The following GSE1 variants were observed in gnomAD, a reference collection of about 807,000 sequenced individuals.
The protein encoded by GSE1 is Gse1 coiled-coil protein.
A neutral mutation model predicts 112.6 loss-of-function variants in GSE1; 32 were observed. That is an observed-to-expected ratio of 0.28 (90% CI 0.21 to 0.38). GSE1 has a LOEUF of 0.38. Among genes scored for constraint, GSE1 ranks in the 10% least tolerant of loss-of-function variants. The pLI, the probability that GSE1 is intolerant of heterozygous loss-of-function variation, is 1.00. For missense variants in GSE1, 2,348 were observed against 1,699.2 expected (o/e 1.38, Z -6.71); for synonymous variants, 1,115 against 735.6 (o/e 1.52, Z -8.35).
exon 1 of GSE1, chr16:85,170,489 G>A (rs937832093): frequency 1.0e-5 from 10 of 985,630 alleles, no homozygotes; most frequent in African/African-American, 1.7e-5. Context: ...TCCGAGGACA[G>A]TGACATCAAC....
chr16:85,380,545 C>T (rs934077589), intron 2 of GSE1, among the ~76,000 whole-genome samples: 1 of 150,584 alleles, frequency 6.6e-6, no homozygotes, highest in Admixed American at 6.6e-5. Context: ...ACCCCCAGCT[C>T]CCAACACTGC....
At chr16:85,424,130 C>G (rs1193764684) in intron 2 of GSE1, among the ~76,000 whole-genome samples, 3 of 152,230 alleles carry the variant, frequency 2.0e-5, no homozygotes, top group Admixed American at 6.5e-5. Flanking sequence ...TTGAAGGAAC[C>G]AGAAAGAAAG....
chr16:85,201,876 A>G (rs1229993970), intron 1 of GSE1, among the ~76,000 whole-genome samples: 2 of 152,222 alleles, frequency 1.3e-5, no homozygotes, highest in Admixed American at 6.5e-5. Flanking sequence ...TTAGTTTTTC[A>G]GGGCCTCCTG....
chr16:85,277,868 G>A (rs906028311), intron 1 of GSE1, among the ~76,000 whole-genome samples: 1 of 152,362 alleles, frequency 6.6e-6, no homozygotes, highest in African/African-American at 2.4e-5. Flanking sequence ...CTGCTGCTGG[G>A]CCTCTGCCTG....
chr16:85,396,602 G>A (rs547679005), intron 2 of GSE1, among the ~76,000 whole-genome samples: 1 of 152,208 alleles, frequency 6.6e-6, no homozygotes, highest in Non-Finnish European at 1.5e-5. Flanking sequence ...TTGGCTGAAC[G>A]GGCAGCTTCC....
chr16:85,563,543 G>T (rs549792671), intron 1 of GSE1, among the ~76,000 whole-genome samples: 1 of 152,164 alleles, frequency 6.6e-6, no homozygotes, highest in African/African-American at 2.4e-5. Flanking sequence ...TTTGGGTAAA[G>T]CCAGGTCCAG....
At chr16:85,282,162 G>C (rs1245330197) in intron 1 of GSE1, among the ~76,000 whole-genome samples, 1 of 152,022 alleles carries the variant, frequency 6.6e-6, no homozygotes, top group Non-Finnish European at 1.5e-5. Flanking sequence ...CGAGTAGCTG[G>C]GACTACAGGC....
At chr16:85,569,743 G>C (rs144077537) in intron 1 of GSE1, among the ~76,000 whole-genome samples, 1 of 152,202 alleles carries the variant, frequency 6.6e-6, no homozygotes, top group Non-Finnish European at 1.5e-5. Flanking sequence ...CTCAGGAACC[G>C]AAGAGTTTAC....
chr16:85,643,135 C>T (rs1262138655), intron 2 of GSE1, among the ~76,000 whole-genome samples: 5 of 152,202 alleles, frequency 3.3e-5, no homozygotes, highest in Non-Finnish European at 7.3e-5. Flanking sequence ...TTAATTACAT[C>T]TGCCCGTGGG....
At chr16:85,217,403 G>T (rs1467084648) in intron 1 of GSE1, among the ~76,000 whole-genome samples, 1 of 152,174 alleles carries the variant, frequency 6.6e-6, no homozygotes, top group Non-Finnish European at 1.5e-5. Flanking sequence ...CCATGCGAAG[G>T]CTGGCGATCC....
intron 1 of GSE1, among the ~76,000 whole-genome samples, chr16:85,346,807 G>C (rs1318680133): frequency 6.9e-6 from 1 of 145,344 alleles, no homozygotes; most frequent in Admixed American, 6.8e-5. Context: ...AGATGGATGA[G>C]TGGTAGATGG....
chr16:85,230,544 G>A (rs1904275821), intron 1 of GSE1, among the ~76,000 whole-genome samples: 1 of 152,120 alleles, frequency 6.6e-6, no homozygotes. Context: ...TCCCTACTTC[G>A]CTCTGCCTTT....
At chr16:85,192,136 A>T (rs1337686619) in intron 1 of GSE1, among the ~76,000 whole-genome samples, 1 of 152,372 alleles carries the variant, frequency 6.6e-6, no homozygotes, top group African/African-American at 2.4e-5. Context: ...TGCAGGGTGC[A>T]CACATAGGCA....
At chr16:85,483,897 G>A (rs1008402964) in intron 2 of GSE1, among the ~76,000 whole-genome samples, 2 of 152,228 alleles carry the variant, frequency 1.3e-5, no homozygotes, top group East Asian at 1.9e-4. Flanking sequence ...GGCCCTGCCC[G>A]TCACGGGTAC....
intron 1 of GSE1, among the ~76,000 whole-genome samples, chr16:85,188,020 C>A (rs1208720130): frequency 3.3e-5 from 5 of 152,240 alleles, no homozygotes; most frequent in African/African-American, 1.2e-4. Context: ...CTCCCATGGG[C>A]CTTGGTACCA....
rs111779983 is a variant in GSE1 at position 85,633,543 on chromosome 16, G to T, written c.8-371G>T. Among the ~76,000 whole-genome samples the T allele has an allele frequency of 2.6e-5, 4 of 152,244 alleles. No homozygotes were observed. In the East Asian group the frequency reaches 5.8e-4, roughly 22 times the overall value. On this transcript the variant is annotated intron_variant, in intron 1 of 15. Transcript: ENST00000253458. ...AGGATGCGGGCCGCACGCCTCCTCC[G>T]CCTGGGCCTCAGTCTCCTTCCCCAC...
chr16:85,665,674 A>T (rs1246663600), intron 12 of GSE1, among the ~76,000 whole-genome samples: 2 of 151,342 alleles, frequency 1.3e-5, no homozygotes, highest in African/African-American at 4.9e-5. Flanking sequence ...CCCCTCACAC[A>T]CTCTCTTGTC....
chr16:85,258,538 C>A (rs1020727235), intron 1 of GSE1, among the ~76,000 whole-genome samples: 5 of 152,216 alleles, frequency 3.3e-5, no homozygotes, highest in African/African-American at 1.2e-4. Flanking sequence ...TCCTGCCACC[C>A]CTTCCCGCCT....
chr16:85,175,058 C>T (rs2074433564), intron 1 of GSE1, among the ~76,000 whole-genome samples: 1 of 26,704 alleles, frequency 3.7e-5, no homozygotes, highest in African/African-American at 1.3e-4. Flanking sequence ...TCAGTTGTTC[C>T]CTATTGTTCC....
Sources: allele counts gnomAD v4.1 joint callset (sites outside exome capture counted in the v4.1 genomes callset), GRCh38; gene constraint gnomAD v4.1.1; transcripts MANE v1.5; gene names NCBI Gene and HGNC (gene_info 2026-07-23, HGNC 2026-07-21).